GRAMD1B: variants seen among roughly 807,000 people sequenced by gnomAD.
GRAMD1B encodes protein Aster-B.
A neutral mutation model predicts 99.7 loss-of-function variants in GRAMD1B; 37 were observed. That is an observed-to-expected ratio of 0.37 (90% CI 0.29 to 0.49). The LOEUF (loss-of-function observed/expected upper bound fraction) is 0.49, where lower values mean the gene tolerates loss of function less well. Among genes scored for constraint, GRAMD1B ranks in the 20% least tolerant of loss-of-function variants. GRAMD1B has a pLI of 0.98. For missense variants in GRAMD1B, 888 were observed against 1,009.2 expected (o/e 0.88, Z 1.63); for synonymous variants, 427 against 387.6 (o/e 1.10, Z -1.19).
intron 3 of GRAMD1B, 65 bp from the exon 4 acceptor site, chr11:123,584,247 C>T: frequency 1.2e-6 from 1 of 845,938 alleles, no homozygotes; most frequent in Non-Finnish European, 1.9e-6. Context: ...GTGCCCTTCC[C>T]CCTGGCCCTT....
At chr11:123,566,616 A>G (rs1947399942) in intron 2 of GRAMD1B, among the ~76,000 whole-genome samples, 2 of 152,184 alleles carry the variant, frequency 1.3e-5, no homozygotes, top group Non-Finnish European at 2.9e-5. Flanking sequence ...AATACAAAAA[A>G]TTAGCCACGC....
intron 1 of GRAMD1B, among the ~76,000 whole-genome samples, chr11:123,473,230 A>T (rs1477940225): frequency 1.3e-5 from 2 of 151,952 alleles, no homozygotes; most frequent in African/African-American, 4.8e-5. Context: ...TGCCTGGCTA[A>T]GTTTTGTATT....
intron 1 of GRAMD1B, among the ~76,000 whole-genome samples, chr11:123,419,743 G>GAGAA (rs879563166): frequency 9.1e-5 from 13 of 142,912 alleles, no homozygotes; most frequent in African/African-American, 3.0e-4. Context: ...GTGTGTGTGT[G>GAGAA]TGTGAATGAG....
chr11:123,490,170 TAAAG>T (rs1433874464), intron 2 of GRAMD1B, among the ~76,000 whole-genome samples: 1 of 152,174 alleles, frequency 6.6e-6, no homozygotes. Flanking sequence ...ATGGGTGTCT[TAAAG>T]GAAGAGGACA....
chr11:123,622,350 T>C (rs1955229417), intron 19 of GRAMD1B, among the ~76,000 whole-genome samples, 156 bp from the exon 20 acceptor site: 1 of 152,064 alleles, frequency 6.6e-6, no homozygotes, highest in Non-Finnish European at 1.5e-5. Flanking sequence ...TTTGAAACAG[T>C]GTTGAGAACC....
At chr11:123,584,219 C>A in intron 3 of GRAMD1B, 93 bp from the exon 4 acceptor site, 1 of 723,762 alleles carries the variant, frequency 1.4e-6, no homozygotes, top group Non-Finnish European at 2.4e-6. Flanking sequence ...TCCTCCCTGC[C>A]CACCCTCCGC....
chr11:123,595,923 C>G lies in GRAMD1B; in HGVS notation c.874-19C>G. 1 of 1,520,626 alleles carries G rather than the reference C, an allele frequency of 6.6e-7. No homozygotes were observed. Among genetic ancestry groups the G allele is most frequent in the Non-Finnish European group, 9.1e-7 (1 of 1,104,404 alleles). The allele number at this position is 1,520,626 out of a possible 1,614,324, so 94.2% of individuals were successfully genotyped here. A position where few individuals can be genotyped will look rare whatever the true frequency, so the allele number is the denominator to read the frequency against. ...CCCCACTTTGCTTGTTGCCCATTCT[C>G]TGTCCTCTTGGATGCCAGCTGACAG... On this transcript the variant is annotated intron_variant, in intron 6 of 19. Transcript: ENST00000635736.
At chr11:123,476,544 C>T (rs1951287349) in intron 1 of GRAMD1B, among the ~76,000 whole-genome samples, 1 of 152,234 alleles carries the variant, frequency 6.6e-6, no homozygotes, top group Admixed American at 6.5e-5. Flanking sequence ...TAGAGTCCCT[C>T]CAGCTCGATG....
intron 2 of GRAMD1B, among the ~76,000 whole-genome samples, chr11:123,551,998 C>T (rs1208532678): frequency 3.3e-5 from 5 of 152,138 alleles, no homozygotes; most frequent in Admixed American, 3.3e-4. Context: ...TCCTCGTTTT[C>T]CCCAATCCCA....
Position 123,586,543 on chromosome 11 carries a change from G to A in GRAMD1B, c.684+2211G>A, listed in dbSNP as rs578197048. ...ACTCATGCGGTCCCTCTGGGGGTCC[G>A]CCCTCGGGTGACAGGGCACCCTGCT... On this transcript the variant is annotated intron_variant, in intron 4 of 19. Transcript: ENST00000635736. 2.1e-4 allele frequency among the ~76,000 whole-genome samples: 32 copies of A among 152,304 alleles called. No homozygotes were observed. The South Asian group carries it at 4.4e-3, about 21-fold the overall frequency.
At chr11:123,479,355 G>A (rs924608284) in intron 1 of GRAMD1B, among the ~76,000 whole-genome samples, 6 of 152,202 alleles carry the variant, frequency 3.9e-5, no homozygotes. Context: ...GGCTGAGAGT[G>A]TACAGACACT....
rs180731926 is a variant in GRAMD1B, at chr11:123,505,915, A to T, written c.452+25022A>T. ...ATCTACATATACAGGGAGCGTCTACATCTAGTGACCTCTCAAGGTCTTCCT... is the reference window on the plus strand; with the variant it reads ...ATCTACATATACAGGGAGCGTCTACTTCTAGTGACCTCTCAAGGTCTTCCT... On this transcript the variant is annotated intron_variant, in intron 2 of 19. Coordinates refer to ENST00000635736, the MANE Select transcript of GRAMD1B (RefSeq NM_001387025.1). Among the ~76,000 whole-genome samples, 610 of 152,076 alleles carry T rather than the reference A, an allele frequency of 4.0e-3. 1 individual carries two copies. The highest frequency in any genetic ancestry group is 6.8e-3 in the Middle Eastern group (2 of 294).
chr11:123,536,808 G>C (rs1015812918), intron 2 of GRAMD1B, among the ~76,000 whole-genome samples: 3 of 152,018 alleles, frequency 2.0e-5, no homozygotes, highest in African/African-American at 7.3e-5. Flanking sequence ...CTCATTGCTG[G>C]AGCTCTTCCA....
Position 123,486,554 on chromosome 11 carries a change from GA to G in GRAMD1B, c.452+5676del, listed in dbSNP as rs770942713. Reference sequence around the variant, plus strand: ...CAGAGTGAGACCCTGTCTCAAAAAAGAAAAAAAAAAAAAAACAAAAAGAAAA... The same window carrying G: ...CAGAGTGAGACCCTGTCTCAAAAAAGAAAAAAAAAAAAAACAAAAAGAAAA... On this transcript the variant is annotated intron_variant, in intron 2 of 19. Coordinates refer to ENST00000635736, the MANE Select transcript of GRAMD1B (RefSeq NM_001387025.1). Among the ~76,000 whole-genome samples, 320 of 102,298 alleles carry G rather than the reference GA, an allele frequency of 3.1e-3. 1 individual carries two copies. Among genetic ancestry groups the G allele is most frequent in the South Asian group, 6.4e-3 (21 of 3,290 alleles). 67.1% of individuals were successfully genotyped at this position (102,298 alleles called of 152,430 possible).
intron 2 of GRAMD1B, among the ~76,000 whole-genome samples, chr11:123,481,518 G>A (rs1951607655): frequency 6.6e-6 from 1 of 152,176 alleles, no homozygotes; most frequent in Non-Finnish European, 1.5e-5. Context: ...TGCCCTATAG[G>A]TTGGGTACAA....
chr11:123,583,046 A>G (rs1363746580), intron 3 of GRAMD1B, among the ~76,000 whole-genome samples: 8 of 148,970 alleles, frequency 5.4e-5, no homozygotes, highest in Admixed American at 4.7e-4. Flanking sequence ...ATGTGTGTAT[A>G]TATGTGTGTC....
At chr11:123,462,837 T>G (rs1485922333) in intron 1 of GRAMD1B, among the ~76,000 whole-genome samples, 3 of 138,636 alleles carry the variant, frequency 2.2e-5, no homozygotes, top group African/African-American at 8.3e-5. Context: ...CCCATGACCC[T>G]GCCAAATCCC....
Position 123,610,205 on chromosome 11 carries a change from A to G in GRAMD1B, c.1786A>G (p.Lys596Glu). ...CCTTTCCTGCCCGCAGACCATGTAC[A>G]AGGCGAGCCAGGAGAGTGAATGTTA... ...ATVRETQTMY[K>E]ASQESECYVI... Residue 596 changes from lysine (K) to glutamate (E), a missense_variant, in exon 14 of 20, where the codon AAG (lysine) becomes GAG (glutamate). Transcript: ENST00000635736. The surrounding 1 kb of genome is among the most constrained non-coding windows in gnomAD (Gnocchi z 4.1). The G allele has an allele frequency of 1.2e-6, 2 of 1,613,898 alleles. No homozygotes were observed. Among genetic ancestry groups the G allele is most frequent in the Non-Finnish European group, 1.7e-6 (2 of 1,179,856 alleles).
At position 123,455,584 on chromosome 11, in the gene GRAMD1B, G is replaced by A. The variant is rs78634934; in HGVS notation, c.374+24418G>A. ...AATACGGCATAGTTTGCAAAGCCAC[G>A]GACTCTGGAGTGATCTGCATGGATT... On this transcript the variant is annotated intron_variant, in intron 1 of 19. Coordinates refer to ENST00000635736, the MANE Select transcript of GRAMD1B (RefSeq NM_001387025.1). 2.5e-3 allele frequency among the ~76,000 whole-genome samples: 375 copies of A among 152,170 alleles called. 1 individual carries two copies. Among genetic ancestry groups the A allele is most frequent in the African/African-American group, 8.5e-3 (352 of 41,514 alleles).
Sources: gnomAD v4.1 joint callset for allele counts (sites outside exome capture counted in the v4.1 genomes callset) on GRCh38, gnomAD v4.1.1 for gene constraint, Gnocchi (gnomAD v3.1) non-coding constraint, MANE v1.5 for transcripts, NCBI Gene and HGNC (gene_info 2026-07-23, HGNC 2026-07-21) for gene names.